Variants in TEX14 observed in about 807,000 individuals in gnomAD.
TEX14 encodes the protein testis expressed 14, intercellular bridge forming factor.
In TEX14, 168 loss-of-function variants were observed where a neutral mutation model predicts 178.6. The observed-to-expected ratio is 0.94, with a 90% CI of 0.83 to 1.07. The LOEUF (loss-of-function observed/expected upper bound fraction) is 1.07, where lower values mean the gene tolerates loss of function less well. Ranked by LOEUF, TEX14 falls within the 50% of genes least tolerant of loss-of-function variation. The pLI is 0.00. For missense variants in TEX14, 1,730 were observed against 1,753.6 expected (o/e 0.99, Z 0.24); for synonymous variants, 626 against 634.1 (o/e 0.99, Z 0.19).
chr17:58,630,620 G>A (rs2046266263), intron 2 of TEX14, 66 bp from the exon 3 acceptor site: 1 of 1,090,044 alleles, frequency 9.2e-7, no homozygotes, highest in Non-Finnish European at 1.4e-6. Flanking sequence ...CTGGGTAGGG[G>A]GTGGGGGAAT....
intron 6 of TEX14, among the ~76,000 whole-genome samples, chr17:58,617,261 T>C (rs1419284610): frequency 1.3e-5 from 2 of 152,124 alleles, no homozygotes; most frequent in African/African-American, 4.8e-5. Context: ...AAAAAAATAA[T>C]AATTAAAAAT....
In TEX14 at chr17:58,629,889, C is replaced by T. The variant is rs2046243290; in HGVS notation, c.251+551G>A. 2.1e-5 allele frequency among the ~76,000 whole-genome samples: 3 copies of T among 142,316 alleles called. No individual in the cohort carries two copies. In the South Asian group the frequency reaches 6.7e-4, roughly 32 times the overall value. 93.4% of individuals were successfully genotyped at this position (142,316 alleles called of 152,430 possible). On this transcript the variant is annotated intron_variant, in intron 3 of 31. Transcript: ENST00000349033. Reference sequence around the variant, plus strand: ...TTAGACCAACTATTAAACTCCGATTCTTTTCGTGTTTCGTGTTTTTTTTTT... The same window carrying T: ...TTAGACCAACTATTAAACTCCGATTTTTTTCGTGTTTCGTGTTTTTTTTTT...
At chr17:58,588,176 G>A (rs533369440) in intron 15 of TEX14, among the ~76,000 whole-genome samples, 155 bp from the exon 16 acceptor site, 1 of 152,338 alleles carries the variant, frequency 6.6e-6, no homozygotes, top group Admixed American at 6.5e-5. Flanking sequence ...TCCCTGGGCT[G>A]TTGCAGAGCC....
At chr17:58,640,306 A>C (rs76885088) in intron 2 of TEX14, among the ~76,000 whole-genome samples, 3 of 94,392 alleles carry the variant, frequency 3.2e-5, no homozygotes, top group Non-Finnish European at 5.0e-5. Context: ...ACTCTGTCCC[A>C]AAAAAAAAAA....
At chr17:58,568,891 A>G (rs553659125) in intron 26 of TEX14, among the ~76,000 whole-genome samples, 2 of 152,352 alleles carry the variant, frequency 1.3e-5, no homozygotes, top group South Asian at 2.1e-4. Context: ...AACTCCTTTA[A>G]TAAAAGAAAT....
chr17:58,633,104 C>T (rs1171693375), intron 2 of TEX14, among the ~76,000 whole-genome samples: 1 of 152,178 alleles, frequency 6.6e-6, no homozygotes, highest in Non-Finnish European at 1.5e-5. Context: ...CTTACAGTTC[C>T]TCATACTCGC....
chr17:58,668,489 GC>G (rs2047250351), intron 1 of TEX14, among the ~76,000 whole-genome samples: 1 of 152,202 alleles, frequency 6.6e-6, no homozygotes. Context: ...CTTAGCCAAT[GC>G]CCACTGAAGG....
chr17:58,613,352 G>C (rs1438491892), intron 9 of TEX14, 69 bp downstream of exon 9: 1 of 1,596,130 alleles, frequency 6.3e-7, no homozygotes, highest in Non-Finnish European at 8.6e-7. Context: ...ACCACAGCTG[G>C]GGCAAGAGGG....
intron 3 of TEX14, 82 bp from the exon 4 acceptor site, chr17:58,623,094 G>T: frequency 1.5e-6 from 2 of 1,316,766 alleles, no homozygotes; most frequent in Non-Finnish European, 2.1e-6. Context: ...GCAACACAGG[G>T]CTCCCATTCT....
At chr17:58,624,363 G>A (rs1369659325) in intron 3 of TEX14, among the ~76,000 whole-genome samples, 5 of 135,874 alleles carry the variant, frequency 3.7e-5, no homozygotes, top group Non-Finnish European at 6.4e-5. Context: ...TTTTTGAGAC[G>A]GAGTTTTGCT....
intron 2 of TEX14, among the ~76,000 whole-genome samples, chr17:58,639,774 C>G (rs1433387077): frequency 6.6e-6 from 1 of 152,132 alleles, no homozygotes; most frequent in Non-Finnish European, 1.5e-5. Flanking sequence ...TGATTAATCT[C>G]AGCAGTTGCT....
At chr17:58,641,797 T>G (rs2046583202) in intron 2 of TEX14, among the ~76,000 whole-genome samples, 1 of 152,166 alleles carries the variant, frequency 6.6e-6, no homozygotes, top group Admixed American at 6.5e-5. Context: ...CGTAAGCCAC[T>G]GCGCCCAGCC....
chr17:58,661,110 A>G (rs1426989124), intron 1 of TEX14: 1 of 927,252 alleles, frequency 1.1e-6, no homozygotes, highest in South Asian at 1.3e-5. Context: ...TTCTGCTTGT[A>G]TCGCTCTATT....
At chr17:58,587,459 CAGA>C (rs751536075) in intron 17 of TEX14, 119 bp downstream of exon 17, 128 of 556,710 alleles carry the variant, frequency 2.3e-4, no homozygotes, top group Non-Finnish European at 3.7e-4. Flanking sequence ...GAAAAAAATT[CAGA>C]AGGACATTGC....
chr17:58,682,656 G>A (rs980885928), intron 1 of TEX14, among the ~76,000 whole-genome samples: 2 of 151,358 alleles, frequency 1.3e-5, no homozygotes, highest in Non-Finnish European at 2.9e-5. Context: ...TTATAGGCGT[G>A]AGCCACCATG....
rs2045360321 is a variant in TEX14, at chr17:58,598,979, C to T, written c.2366G>A (p.Gly789Asp). 3 of 1,613,994 alleles carry T rather than the reference C, an allele frequency of 1.9e-6. No homozygotes were observed. The highest frequency in any genetic ancestry group is 2.5e-6 in the Non-Finnish European group (3 of 1,180,002). ...AGGAATATAGTTTAAAGATGGAGGG[C>T]CCACGGCCAGAGGTAACTTGTAGGC... is the stretch of plus-strand genomic sequence containing the variant. ...TNAYKLPLAV[G>D]PPSLNYIPPV... The change falls in exon 14 of 32, where the codon GGC becomes GAC. Residue 789 changes from glycine to aspartate, a missense_variant. Coordinates refer to ENST00000349033, the MANE Select transcript of TEX14 (RefSeq NM_031272.5).
intron 1 of TEX14, among the ~76,000 whole-genome samples, chr17:58,656,357 A>T (rs1234033967): frequency 6.6e-6 from 1 of 151,806 alleles, no homozygotes; most frequent in African/African-American, 2.4e-5. Flanking sequence ...AGACAGGACA[A>T]CTGCTTGAAC....
intron 1 of TEX14, chr17:58,661,669 T>C: frequency 1.6e-6 from 1 of 618,450 alleles, no homozygotes; most frequent in Admixed American, 2.9e-5. Flanking sequence ...TGGCGTAGAT[T>C]TCTAACAACC....
intron 2 of TEX14, among the ~76,000 whole-genome samples, chr17:58,638,830 G>A (rs901294555): frequency 2.0e-5 from 3 of 150,222 alleles, no homozygotes; most frequent in South Asian, 2.1e-4. Flanking sequence ...ATGAGCCACT[G>A]CGACCGGCCT....
Sources: gnomAD v4.1 joint callset for allele counts (sites outside exome capture counted in the v4.1 genomes callset) on GRCh38, gnomAD v4.1.1 for gene constraint, MANE v1.5 for transcripts, NCBI Gene and HGNC (gene_info 2026-07-23, HGNC 2026-07-21) for gene names.